CYB5A: variants seen among roughly 807,000 people sequenced by gnomAD.
CYB5A encodes cytochrome b5.
A neutral mutation model predicts 16.2 loss-of-function variants in CYB5A; 10 were observed. That is an observed-to-expected ratio of 0.62 (90% confidence interval 0.38 to 1.04). CYB5A has a LOEUF of 1.04. CYB5A is among the 50% of genes least tolerant of loss of function. CYB5A has a pLI of 0.01. For synonymous variants in CYB5A, 62 were observed against 57.0 expected (o/e 1.09, Z -0.40); for missense variants, 161 against 165.9 (o/e 0.97, Z 0.16).
intron 2 of CYB5A, 45 bp from the exon 3 acceptor site, chr18:74,260,989 G>A: frequency 6.8e-7 from 1 of 1,481,034 alleles, no homozygotes; most frequent in Non-Finnish European, 9.4e-7. Context: ...AAAAATCTAT[G>A]AAAGTACCAC....
At chr18:74,281,976 A>C (rs1983131788) in intron 1 of CYB5A, among the ~76,000 whole-genome samples, 1 of 152,032 alleles carries the variant, frequency 6.6e-6, no homozygotes, top group Admixed American at 6.6e-5. Flanking sequence ...GGGGAACAGG[A>C]TCTCAGGCAC....
rs553667656 is a variant in CYB5A, at chr18:74,263,774, C to T, written c.130-297G>A. Among the ~76,000 whole-genome samples, 16 of 152,106 alleles carry T rather than the reference C, an allele frequency of 1.1e-4. No homozygotes were observed. The East Asian group carries it at 1.2e-3, about 11-fold the overall frequency. On this transcript the variant is annotated intron_variant, in intron 1 of 4. Transcript: ENST00000340533. ...ACAATTTTAAAAAATTAGCTGGGCA[C>T]GGTGGCATGCCCCTGCAGTCCCAGA...
chr18:74,270,847 C>T (rs567348097), intron 1 of CYB5A, among the ~76,000 whole-genome samples: 14 of 152,254 alleles, frequency 9.2e-5, no homozygotes, highest in African/African-American at 2.9e-4. Flanking sequence ...CTAGTGACAG[C>T]GACATTTCAT....
Position 74,291,947 on chromosome 18 carries a change from C to T in CYB5A, c.-72G>A. 1 of 1,600,154 alleles carries T rather than the reference C, an allele frequency of 6.2e-7. No individual in the cohort carries two copies. Among genetic ancestry groups the T allele is most frequent in the East Asian group, 2.2e-5 (1 of 44,840 alleles). ...GGAGCAGAGCGCGCGACTCAGCCAG[C>T]TCCACCCGGGACATTCCCCGCGCCG... On this transcript the variant is annotated 5_prime_UTR_variant, in exon 1 of 5. Transcript: ENST00000340533.
At chr18:74,281,904 T>C (rs1983127389) in intron 1 of CYB5A, among the ~76,000 whole-genome samples, 1 of 151,854 alleles carries the variant, frequency 6.6e-6, no homozygotes, top group African/African-American at 2.4e-5. Context: ...GGGTGTGGCC[T>C]GGAGGGGCCT....
rs1982405416 is a variant in CYB5A at position 74,265,688 on chromosome 18, T to C, written c.130-2211A>G. ...AGCCTGTACAAGCACGGCACCATCA[T>C]CTGCTCGGCCTCTGGTGAGGCCTCG... On this transcript the variant is annotated intron_variant, in intron 1 of 4. Coordinates refer to ENST00000340533, the MANE Select transcript of CYB5A (RefSeq NM_148923.4). Among the ~76,000 whole-genome samples the C allele has an allele frequency of 2.6e-5, 4 of 152,232 alleles. No homozygotes were observed. The South Asian group carries it at 8.3e-4, about 31-fold the overall frequency.
chr18:74,267,042 C>T (rs994497662), intron 1 of CYB5A, among the ~76,000 whole-genome samples: 3 of 151,818 alleles, frequency 2.0e-5, no homozygotes, highest in Non-Finnish European at 4.4e-5. Context: ...ATATGTATTA[C>T]GGAGAGAGAG....
chr18:74,290,185 G>C (rs752026687), intron 1 of CYB5A, among the ~76,000 whole-genome samples: 1 of 151,866 alleles, frequency 6.6e-6, no homozygotes, highest in African/African-American at 2.4e-5. Flanking sequence ...CTTTATCTTC[G>C]GGCACTGCTC....
chr18:74,253,247 A>T lies in CYB5A; in HGVS notation c.*337T>A. On this transcript the variant is annotated 3_prime_UTR_variant, in exon 5 of 5. Transcript: ENST00000340533. Reference sequence around the variant, plus strand: ...TTGAAGGAATCCTCTAAATAACCAGATTCTAAACATTAAAGACAATTATAC... The same window carrying T: ...TTGAAGGAATCCTCTAAATAACCAGTTTCTAAACATTAAAGACAATTATAC... The T allele has an allele frequency of 6.1e-6, 2 of 330,498 alleles. No homozygotes were observed. Among genetic ancestry groups the T allele is most frequent in the Non-Finnish European group, 1.2e-5 (2 of 170,414 alleles). 20.5% of individuals were successfully genotyped at this position (330,498 alleles called of 1,614,324 possible).
chr18:74,291,878 C>A lies in CYB5A; in HGVS notation c.-3G>T. On this transcript the variant is annotated 5_prime_UTR_variant, in exon 1 of 5. Transcript: ENST00000340533. ...GCCTCGTCCGACTGCTCTGCCATCT[C>A]GGTTCGCCGCGAGCCAGGCCCAGCA... The A allele has an allele frequency of 6.2e-7, 1 of 1,611,336 alleles. No individual in the cohort carries two copies. Among genetic ancestry groups the A allele is most frequent in the Non-Finnish European group, 8.5e-7 (1 of 1,179,838 alleles).
rs1981828710 is a variant in CYB5A, at chr18:74,253,153, A to G, written c.*431T>C. Reference sequence around the variant, plus strand: ...ACTCAATGAGATGTGACGATGTGAAAGGAGACACTCAAACCTATTTCCCGC... The same window carrying G: ...ACTCAATGAGATGTGACGATGTGAAGGGAGACACTCAAACCTATTTCCCGC... On this transcript the variant is annotated 3_prime_UTR_variant, in exon 5 of 5. Transcript: ENST00000340533. The G allele has an allele frequency of 8.9e-6, 2 of 225,054 alleles. No individual in the cohort carries two copies. Among genetic ancestry groups the G allele is most frequent in the Non-Finnish European group, 8.9e-6 (1 of 112,204 alleles). 13.9% of individuals were successfully genotyped at this position (225,054 alleles called of 1,614,324 possible).
intron 1 of CYB5A, among the ~76,000 whole-genome samples, chr18:74,289,950 A>T (rs1371908262): frequency 6.6e-6 from 1 of 152,168 alleles, no homozygotes; most frequent in East Asian, 1.9e-4. Context: ...AGGAGAAGAC[A>T]AGAAAAGAAG....
intron 1 of CYB5A, among the ~76,000 whole-genome samples, chr18:74,265,726 G>A (rs1014513142): frequency 2.0e-5 from 3 of 152,198 alleles, no homozygotes; most frequent in South Asian, 2.1e-4. Context: ...AAGCTTTTAC[G>A]CACAGTGGAA....
chr18:74,289,006 C>T (rs1051986159), intron 1 of CYB5A, among the ~76,000 whole-genome samples: 5 of 152,140 alleles, frequency 3.3e-5, no homozygotes, highest in South Asian at 2.1e-4. Flanking sequence ...ATGCAGTTCT[C>T]GCAATGCCTG....
chr18:74,263,551 T>G, intron 1 of CYB5A, 74 bp from the exon 2 acceptor site: 1 of 1,348,712 alleles, frequency 7.4e-7, no homozygotes, highest in Non-Finnish European at 1.1e-6. Flanking sequence ...CAGAATTTAT[T>G]TAACCAAACA....
chr18:74,288,715 G>A (rs966846366), intron 1 of CYB5A, among the ~76,000 whole-genome samples: 2 of 152,196 alleles, frequency 1.3e-5, no homozygotes, highest in African/African-American at 4.8e-5. Flanking sequence ...AGGAGCACAG[G>A]AAGTCACCTG....
At chr18:74,264,225 A>AG (rs1982339508) in intron 1 of CYB5A, among the ~76,000 whole-genome samples, 1 of 31,820 alleles carries the variant, frequency 3.1e-5, no homozygotes. Context: ...AAAAAAAAAA[A>AG]AGAGAGCGAG....
chr18:74,272,073 C>G (rs1218522245), intron 1 of CYB5A, among the ~76,000 whole-genome samples: 3 of 152,180 alleles, frequency 2.0e-5, no homozygotes, highest in African/African-American at 7.2e-5. Context: ...TTCAAGCCTC[C>G]TTGCTTTGTG....
At chr18:74,254,224 C>G (rs1981877997) in intron 4 of CYB5A, among the ~76,000 whole-genome samples, 1 of 152,010 alleles carries the variant, frequency 6.6e-6, no homozygotes, top group African/African-American at 2.4e-5. Flanking sequence ...GAATGCCCCA[C>G]CAGCTGTAAA....
Sources: allele counts gnomAD v4.1 joint callset (sites outside exome capture counted in the v4.1 genomes callset), GRCh38; gene constraint gnomAD v4.1.1; transcripts MANE v1.5; gene names NCBI Gene and HGNC (gene_info 2026-07-23, HGNC 2026-07-21).